SLC10A7: variants seen among roughly 807,000 people sequenced by gnomAD.
The protein encoded by SLC10A7 is sodium/bile acid cotransporter 7.
SLC10A7 carries 29 observed loss-of-function variants against 43.2 expected under a neutral mutation model. The ratio of observed to expected loss-of-function variants is 0.67; its 90% CI spans 0.50 to 0.92. SLC10A7 has a LOEUF of 0.92. SLC10A7 is among the 40% of genes least tolerant of loss of function. The probability of loss-of-function intolerance (pLI) is 0.00; values close to 1 mark genes in which losing one functional copy is unlikely to be tolerated. For synonymous variants in SLC10A7, 152 were observed against 144.8 expected, an observed-to-expected ratio of 1.05 and a Z score of -0.35; for missense variants, 295 against 403.2, an observed-to-expected ratio of 0.73 and a Z score of 2.30.
At chr4:146,467,843 A>G (rs960897301) in intron 4 of SLC10A7, among the ~76,000 whole-genome samples, 2 of 152,128 alleles carry the variant, frequency 1.3e-5, no homozygotes, top group Non-Finnish European at 2.9e-5. Context: ...GATTACAGGC[A>G]TGAGCCACCG....
intron 5 of SLC10A7, among the ~76,000 whole-genome samples, chr4:146,356,281 T>C (rs1481862105): frequency 1.3e-5 from 2 of 152,086 alleles, no homozygotes; most frequent in African/African-American, 4.8e-5. Flanking sequence ...AATTTCAGTT[T>C]CCTGTTTACT....
At chr4:146,303,670 G>A (rs1200929192) in intron 7 of SLC10A7, among the ~76,000 whole-genome samples, 4 of 152,170 alleles carry the variant, frequency 2.6e-5, no homozygotes, top group East Asian at 1.9e-4. Flanking sequence ...GTGAGCCACC[G>A]AGCCCAGCCT....
intron 5 of SLC10A7, among the ~76,000 whole-genome samples, chr4:146,343,569 A>T (rs1419792170): frequency 6.6e-6 from 1 of 152,058 alleles, no homozygotes; most frequent in Non-Finnish European, 1.5e-5. Flanking sequence ...AACAGAAAAT[A>T]TTAATGATGT....
intron 5 of SLC10A7, among the ~76,000 whole-genome samples, chr4:146,350,351 CTA>C (rs1464758443): frequency 9.9e-5 from 15 of 150,886 alleles, no homozygotes; most frequent in African/African-American, 3.7e-4. Context: ...CACCACGAGA[CTA>C]TATCCCACAC....
chr4:146,256,761 A>C (rs1727913649), intron 11 of SLC10A7: 1 of 1,278,344 alleles, frequency 7.8e-7, no homozygotes. Context: ...TCCCCTGTGC[A>C]CTAGATGGTA....
At chr4:146,392,401 C>T (rs572621190) in intron 5 of SLC10A7, among the ~76,000 whole-genome samples, 6 of 152,058 alleles carry the variant, frequency 3.9e-5, no homozygotes, top group Non-Finnish European at 8.8e-5. Context: ...GAGAAAAACA[C>T]CTTGGCTGTC....
intron 5 of SLC10A7, among the ~76,000 whole-genome samples, chr4:146,396,961 T>C (rs1049096785): frequency 1.3e-5 from 2 of 152,144 alleles, no homozygotes; most frequent in African/African-American, 2.4e-5. Context: ...TTAACTGAAT[T>C]CAGACTTTCG....
intron 5 of SLC10A7, among the ~76,000 whole-genome samples, chr4:146,352,891 A>G (rs1168044975): frequency 1.4e-5 from 2 of 143,132 alleles, no homozygotes; most frequent in Admixed American, 7.0e-5. Flanking sequence ...AAAGCAGTGT[A>G]TAGAGGGAAA....
rs1727857505 is a variant in SLC10A7 at position 146,255,795 on chromosome 4, C to A, written c.*696G>T. On this transcript the variant is annotated 3_prime_UTR_variant, in exon 12 of 12. Coordinates refer to ENST00000335472, the MANE Select transcript of SLC10A7 (RefSeq NM_001029998.6). ...ATTTTAAAGACCCTGAAAATCAAAT[C>A]ACAGAGTTTAACTCAAAATTTCACA... 6.6e-6 allele frequency: 1 copy of A among 152,170 alleles called. No individual in the cohort carries two copies. Among genetic ancestry groups the A allele is most frequent in the South Asian group, 2.1e-4 (1 of 4,820 alleles). The allele number at this position is 152,170 out of a possible 1,614,324, so 9.4% of individuals were successfully genotyped here.
chr4:146,460,706 T>C (rs887883321), intron 4 of SLC10A7, among the ~76,000 whole-genome samples: 6 of 151,964 alleles, frequency 3.9e-5, no homozygotes, highest in African/African-American at 1.4e-4. Flanking sequence ...GAATTTTTTG[T>C]CCTGATGGCA....
At chr4:146,319,887 C>T (rs534745299) in intron 6 of SLC10A7, among the ~76,000 whole-genome samples, 1 of 151,996 alleles carries the variant, frequency 6.6e-6, no homozygotes, top group East Asian at 1.9e-4. Flanking sequence ...TGACATAACT[C>T]AAAAAACTTC....
chr4:146,355,761 C>A (rs1383092948), intron 5 of SLC10A7, among the ~76,000 whole-genome samples: 3 of 148,826 alleles, frequency 2.0e-5, no homozygotes, highest in African/African-American at 7.5e-5. Flanking sequence ...AAATTGGAAA[C>A]CATCATTCTC....
At chr4:146,279,136 G>C (rs1469100531) in intron 10 of SLC10A7, among the ~76,000 whole-genome samples, 1 of 152,094 alleles carries the variant, frequency 6.6e-6, no homozygotes, top group Non-Finnish European at 1.5e-5. Flanking sequence ...AAGAAATTTG[G>C]AGTCTTGCCA....
At chr4:146,355,471 G>A (rs1735511410) in intron 5 of SLC10A7, among the ~76,000 whole-genome samples, 2 of 151,972 alleles carry the variant, frequency 1.3e-5, no homozygotes, top group African/African-American at 2.4e-5. Flanking sequence ...CATTGTGGAA[G>A]TCAGTGTGGC....
At chr4:146,297,296 T>C (rs1291597446) in intron 7 of SLC10A7, among the ~76,000 whole-genome samples, 1 of 152,164 alleles carries the variant, frequency 6.6e-6, no homozygotes, top group Non-Finnish European at 1.5e-5. Context: ...ATTTTCTTTA[T>C]TCTAAATTAA....
chr4:146,452,154 T>G (rs937475790), intron 4 of SLC10A7, among the ~76,000 whole-genome samples: 6 of 152,130 alleles, frequency 3.9e-5, no homozygotes, highest in Non-Finnish European at 7.4e-5. Context: ...AATATGAGCT[T>G]GAGTAGGCAC....
intron 4 of SLC10A7, among the ~76,000 whole-genome samples, chr4:146,487,133 AG>A (rs1734989395): frequency 6.6e-6 from 1 of 152,182 alleles, no homozygotes; most frequent in African/African-American, 2.4e-5. Flanking sequence ...AGCCAGTTTG[AG>A]TACCTTAACC....
At chr4:146,519,112 T>TATATATAAAA (rs1553991185) in intron 1 of SLC10A7, among the ~76,000 whole-genome samples, 2 of 15,972 alleles carry the variant, frequency 1.3e-4, no homozygotes, top group African/African-American at 2.9e-4. Context: ...TATATATATA[T>TATATATAAAA]AATATAATAT....
At chr4:146,430,028 A>G (rs995372838) in intron 5 of SLC10A7, among the ~76,000 whole-genome samples, 2 of 148,862 alleles carry the variant, frequency 1.3e-5, no homozygotes, top group Non-Finnish European at 2.9e-5. Context: ...ATGTAAAAAC[A>G]AAAATTAAAA....
Sources: allele counts gnomAD v4.1 joint callset (sites outside exome capture counted in the v4.1 genomes callset), GRCh38; gene constraint gnomAD v4.1.1; transcripts MANE v1.5; gene names NCBI Gene and HGNC (gene_info 2026-07-23, HGNC 2026-07-21).